NCKAP5: variants seen among roughly 807,000 people sequenced by gnomAD.
NCKAP5 encodes nck-associated protein 5.
In NCKAP5, 92 loss-of-function variants were observed where a neutral mutation model predicts 167.0. The ratio of observed to expected loss-of-function variants is 0.55; its 90% CI spans 0.47 to 0.66. The LOEUF is 0.66. Among genes scored for constraint, NCKAP5 ranks in the 30% least tolerant of loss-of-function variants. NCKAP5 has a pLI of 0.00. For missense variants in NCKAP5, 2,378 were observed against 2,315.0 expected (o/e 1.03, Z -0.56); for synonymous variants, 891 against 877.4 (o/e 1.02, Z -0.27).
chr2:133,295,319 A>G (rs549828564), intron 4 of NCKAP5, among the ~76,000 whole-genome samples: 3 of 152,308 alleles, frequency 2.0e-5, no homozygotes, highest in East Asian at 1.9e-4. Context: ...TAAGACAGAT[A>G]GGATTTGGAG....
At chr2:132,731,265 G>A (rs975744629) in intron 17 of NCKAP5, among the ~76,000 whole-genome samples, 2 of 152,076 alleles carry the variant, frequency 1.3e-5, no homozygotes, top group South Asian at 2.1e-4. Flanking sequence ...TATTGCAATC[G>A]GTGCACGATC....
intron 3 of NCKAP5, among the ~76,000 whole-genome samples, chr2:133,470,289 C>T (rs1030941266): frequency 3.3e-5 from 5 of 151,976 alleles, no homozygotes; most frequent in African/African-American, 1.2e-4. Flanking sequence ...GTCAGTGTGC[C>T]CCTGCTGGGG....
At chr2:132,864,075 A>G (rs549430732) in intron 10 of NCKAP5, among the ~76,000 whole-genome samples, 6 of 152,272 alleles carry the variant, frequency 3.9e-5, no homozygotes, top group African/African-American at 1.4e-4. Context: ...CAGAGGCAAG[A>G]CCCAGAACAG....
chr2:132,722,012 A>G (rs531364722), intron 19 of NCKAP5, among the ~76,000 whole-genome samples: 1 of 152,242 alleles, frequency 6.6e-6, no homozygotes, highest in African/African-American at 2.4e-5. Flanking sequence ...GAGTTGACAG[A>G]GAAAAATATT....
At chr2:133,090,308 G>C (rs2081131213) in intron 6 of NCKAP5, among the ~76,000 whole-genome samples, 1 of 152,056 alleles carries the variant, frequency 6.6e-6, no homozygotes. Context: ...TGAGATATCT[G>C]GGTAAGCTCT....
Position 132,783,282 on chromosome 2 carries a change from C to T in NCKAP5, c.3529G>A (p.Glu1177Lys). Residue 1177 changes from glutamate (E) to lysine (K), a missense_variant, in exon 14 of 20, where the codon GAA becomes AAA. This residue lies in a region of NCKAP5 where 1,325 missense variants were observed against 1,274.5 expected (regional missense o/e 1.04). Transcript: ENST00000409261. ...ACAGCCACGGAACTTTTGGAGGCTT[C>T]ATTTAAACTGTCTTTTTCATGTTTC... ...PGKHEKDSLNEASKSSVAVNK... is the reference protein window; with the variant it reads ...PGKHEKDSLNKASKSSVAVNK... The T allele has an allele frequency of 6.2e-7, 1 of 1,613,964 alleles. No homozygotes were observed.
intron 5 of NCKAP5, among the ~76,000 whole-genome samples, chr2:133,158,801 C>T (rs931696263): frequency 2.0e-5 from 3 of 152,008 alleles, no homozygotes; most frequent in African/African-American, 7.2e-5. Flanking sequence ...GATTACCCAT[C>T]ATTCAATTAA....
the NCKAP5 span, among the ~76,000 whole-genome samples, chr2:133,590,003 C>A: frequency 0.024 from 3,676 of 152,258 alleles, 51 homozygotes; most frequent in African/African-American, 0.038. Context: ...GCCTCCTTTG[C>A]CCTGCAGGAG....
intron 17 of NCKAP5, among the ~76,000 whole-genome samples, chr2:132,729,425 T>A (rs761821327): frequency 2.6e-5 from 4 of 152,212 alleles, no homozygotes; most frequent in Non-Finnish European, 5.9e-5. Context: ...TTTCCTAAAA[T>A]ACGTATTAAG....
At chr2:133,291,656 C>T (rs1229962270) in intron 4 of NCKAP5, among the ~76,000 whole-genome samples, 2 of 152,196 alleles carry the variant, frequency 1.3e-5, no homozygotes, top group Admixed American at 6.5e-5. Context: ...AGGCAAAGCC[C>T]GGACACCAAG....
intron 5 of NCKAP5, among the ~76,000 whole-genome samples, chr2:133,140,733 A>G (rs1280446319): frequency 6.7e-6 from 1 of 149,488 alleles, no homozygotes; most frequent in Non-Finnish European, 1.5e-5. Context: ...TAATCATTAT[A>G]TAATGATATG....
intron 1 of NCKAP5, among the ~76,000 whole-genome samples, chr2:133,564,741 C>A (rs1688426326): frequency 6.6e-6 from 1 of 152,052 alleles, no homozygotes; most frequent in South Asian, 2.1e-4. Flanking sequence ...GAGACACCAC[C>A]TGAGGGAGGA....
intron 3 of NCKAP5, among the ~76,000 whole-genome samples, chr2:133,375,035 A>G (rs532094459): frequency 6.6e-6 from 1 of 152,268 alleles, no homozygotes; most frequent in East Asian, 1.9e-4. Flanking sequence ...CTTTTCTTAC[A>G]ATGGGGAAGC....
chr2:133,126,161 G>A (rs1273387718), intron 6 of NCKAP5, among the ~76,000 whole-genome samples: 3 of 152,048 alleles, frequency 2.0e-5, no homozygotes, highest in Admixed American at 6.6e-5. Flanking sequence ...TACTTCCCAC[G>A]TGTACCTAAC....
chr2:133,662,793 C>T, the NCKAP5 span, among the ~76,000 whole-genome samples: 2 of 151,148 alleles, frequency 1.3e-5, no homozygotes, highest in Admixed American at 6.6e-5. Context: ...GGAGATATTG[C>T]AGGTTGGGCT....
chr2:133,025,098 T>C (rs1309485176), intron 6 of NCKAP5, among the ~76,000 whole-genome samples: 1 of 152,228 alleles, frequency 6.6e-6, no homozygotes, highest in Non-Finnish European at 1.5e-5. Context: ...AAAGAAAATG[T>C]GCTTCCTCTC....
At chr2:133,111,033 G>A (rs2081892363) in intron 6 of NCKAP5, among the ~76,000 whole-genome samples, 1 of 152,018 alleles carries the variant, frequency 6.6e-6, no homozygotes, top group Admixed American at 6.6e-5. Context: ...ATCCGATTAA[G>A]GTCCCATCTA....
chr2:133,282,929 A>G (rs1445753894), intron 4 of NCKAP5, among the ~76,000 whole-genome samples: 1 of 152,212 alleles, frequency 6.6e-6, no homozygotes, highest in Non-Finnish European at 1.5e-5. Context: ...ATATGTATTA[A>G]AACAATCCTT....
intron 6 of NCKAP5, among the ~76,000 whole-genome samples, chr2:133,008,744 A>G (rs569419874): frequency 5.3e-5 from 8 of 150,554 alleles, no homozygotes; most frequent in East Asian, 3.9e-4. Flanking sequence ...AAACTGGGGG[A>G]AAAAAAGTCA....
Sources: allele counts gnomAD v4.1 joint callset (sites outside exome capture counted in the v4.1 genomes callset), GRCh38; gene constraint gnomAD v4.1.1; regional missense constraint gnomAD v4.1.1; transcripts MANE v1.5; gene names NCBI Gene and HGNC (gene_info 2026-07-23, HGNC 2026-07-21).